The following RAPGEF2 variants were observed in gnomAD, a reference collection of about 807,000 sequenced individuals.
The protein encoded by RAPGEF2 is Rap guanine nucleotide exchange factor 2.
Under a neutral mutation model 186.7 loss-of-function variants are expected in RAPGEF2, and 54 were observed. The observed-to-expected ratio is 0.29, with a 90% CI of 0.23 to 0.36. The LOEUF (loss-of-function observed/expected upper bound fraction) is 0.36, where lower values mean the gene tolerates loss of function less well. Among genes scored for constraint, RAPGEF2 ranks in the 10% least tolerant of loss-of-function variants. RAPGEF2 has a pLI of 1.00. For missense variants in RAPGEF2, 1,532 were observed against 2,045.0 expected, an observed-to-expected ratio of 0.75 and a Z score of 4.84; for synonymous variants, 712 against 705.9, an observed-to-expected ratio of 1.01 and a Z score of -0.14.
At chr4:159,302,223 A>G (rs1471991426) in intron 7 of RAPGEF2, among the ~76,000 whole-genome samples, 1 of 152,208 alleles carries the variant, frequency 6.6e-6, no homozygotes, top group Non-Finnish European at 1.5e-5. Context: ...CTCTCCATAC[A>G]GTGAATTCTT....
intron 8 of RAPGEF2, among the ~76,000 whole-genome samples, chr4:159,308,567 T>C (rs1763579954): frequency 6.6e-6 from 1 of 152,182 alleles, no homozygotes; most frequent in Admixed American, 6.5e-5. Context: ...TATTTGATCT[T>C]CATACAGTTC....
chr4:159,357,412 C>T (rs1732186558), intron 29 of RAPGEF2, among the ~76,000 whole-genome samples: 1 of 152,082 alleles, frequency 6.6e-6, no homozygotes, highest in South Asian at 2.1e-4. Flanking sequence ...AGGAAGGAAC[C>T]CACATTCTTT....
At chr4:159,252,857 T>C (rs4691550) in intron 7 of RAPGEF2, among the ~76,000 whole-genome samples, 40,907 of 152,150 alleles carry the variant, frequency 0.27, 6,400 homozygotes, top group African/African-American at 0.43. Flanking sequence ...TTATTTACCA[T>C]ATTAAAAATT....
chr4:159,158,159 G>C (rs1744327858), intron 1 of RAPGEF2, among the ~76,000 whole-genome samples: 1 of 152,116 alleles, frequency 6.6e-6, no homozygotes, highest in Non-Finnish European at 1.5e-5. Context: ...GGCCTGCATT[G>C]TATTTTTGCC....
Position 159,345,709 on chromosome 4 carries a change from T to C in RAPGEF2, c.3502+380T>C, listed in dbSNP as rs1730197784. 2.0e-5 allele frequency among the ~76,000 whole-genome samples: 3 copies of C among 152,134 alleles called. No homozygotes were observed. In the South Asian group the frequency reaches 6.2e-4, roughly 32 times the overall value. ...ACCTGAGGGGAGTCAGGGCATAAAA[T>C]TGGGTGTGCTGGCTGCCTTTTAACC... On this transcript the variant is annotated intron_variant, in intron 24 of 29. Coordinates refer to ENST00000691494, the MANE Select transcript of RAPGEF2 (RefSeq NM_001394067.2).
rs1329988547 is a variant in RAPGEF2, at chr4:159,284,508, ACACACACACACACACACACACACACACG to A, written c.544-19833_544-19806del. Among the ~76,000 whole-genome samples, 251 of 141,480 alleles carry A rather than the reference ACACACACACACACACACACACACACACG, an allele frequency of 1.8e-3. 1 individual carries two copies. The highest frequency in any genetic ancestry group is 7.0e-3 in the African/African-American group (225 of 32,242). The allele number at this position is 141,480 out of a possible 152,430, so 92.8% of individuals were successfully genotyped here. On this transcript the variant is annotated intron_variant, in intron 7 of 29. Transcript: ENST00000691494. ...CACACACACACACACACACACACAC[ACACACACACACACACACACACACACACG>A]AATTGTAAATGAAACAGTGCCCTGG...
At chr4:159,290,025 A>G (rs1048340342) in intron 7 of RAPGEF2, among the ~76,000 whole-genome samples, 9 of 152,186 alleles carry the variant, frequency 5.9e-5, no homozygotes, top group Non-Finnish European at 1.0e-4. Flanking sequence ...CCACTAAAAC[A>G]TTTTAGGCAG....
At chr4:159,142,166 AAAGT>A (rs1742418540) in intron 1 of RAPGEF2, among the ~76,000 whole-genome samples, 1 of 152,206 alleles carries the variant, frequency 6.6e-6, no homozygotes, top group Non-Finnish European at 1.5e-5. Context: ...TTTGACTTTG[AAAGT>A]AAGAAGTACC....
chr4:159,297,361 T>C (rs943578744), intron 7 of RAPGEF2, among the ~76,000 whole-genome samples: 2 of 152,206 alleles, frequency 1.3e-5, no homozygotes, highest in Admixed American at 1.3e-4. Flanking sequence ...GTTTGTAGCA[T>C]ATGTCTGTGC....
intron 7 of RAPGEF2, among the ~76,000 whole-genome samples, chr4:159,283,086 C>A (rs1238927522): frequency 2.0e-5 from 3 of 152,156 alleles, no homozygotes; most frequent in Non-Finnish European, 4.4e-5. Flanking sequence ...GTTCTCCTCA[C>A]CCTTTTCAAA....
chr4:159,266,713 C>T (rs905229699), intron 7 of RAPGEF2, among the ~76,000 whole-genome samples: 4 of 152,076 alleles, frequency 2.6e-5, no homozygotes, highest in Non-Finnish European at 4.4e-5. Context: ...GTCAAGTATG[C>T]ATTTTATAAA....
chr4:159,341,428 T>A, intron 19 of RAPGEF2, 136 bp from the exon 20 acceptor site: 1 of 876,444 alleles, frequency 1.1e-6, no homozygotes, highest in East Asian at 2.7e-5. Flanking sequence ...GCTGTCTGTC[T>A]TGGTTAAAAA....
Position 159,221,370 on chromosome 4 carries a change from A to C in RAPGEF2, c.281+10787A>C, listed in dbSNP as rs555583686. 3.7e-4 allele frequency among the ~76,000 whole-genome samples: 57 copies of C among 152,310 alleles called. No homozygotes were observed. In the Middle Eastern group the frequency reaches 0.014, roughly 36 times the overall value. ...CCATCATGTCTGCATTGAAAGCTAG[A>C]AGCAGGAGGAAAGGCAATAGAGCAA... On this transcript the variant is annotated intron_variant, in intron 4 of 29. Transcript: ENST00000691494.
At position 159,341,628 on chromosome 4, in the gene RAPGEF2, T is replaced by C. The variant is rs768117866; in HGVS notation, c.2599T>C (p.Leu867=). The C allele has an allele frequency of 2.9e-5, 47 of 1,613,896 alleles. No individual in the cohort carries two copies. Among genetic ancestry groups the C allele is most frequent in the Non-Finnish European group, 3.4e-6 (4 of 1,179,892 alleles). ...TTCAGATGAAGATGCTCAGGAGTTG[T>C]TGAGAGAGAGTCAAATTTCCCTCCT... is the stretch of plus-strand genomic sequence containing the variant. The part of the protein sequence containing the change: ...LCSDEDAQEL[L]RESQISLLQL... The change falls in exon 20 of 30, where the codon TTG becomes CTG. Residue 867 remains leucine, a synonymous_variant. Coordinates refer to ENST00000691494, the MANE Select transcript of RAPGEF2 (RefSeq NM_001394067.2).
chr4:159,146,636 C>T (rs1377583738), intron 1 of RAPGEF2, among the ~76,000 whole-genome samples: 2 of 152,138 alleles, frequency 1.3e-5, no homozygotes, highest in Non-Finnish European at 2.9e-5. Flanking sequence ...ATAATAGTAG[C>T]ATGGAGAGGT....
At chr4:159,113,367 T>C (rs1359904094) in intron 1 of RAPGEF2, among the ~76,000 whole-genome samples, 2 of 152,180 alleles carry the variant, frequency 1.3e-5, no homozygotes, top group African/African-American at 4.8e-5. Context: ...ATTTAAAAAT[T>C]CAAAGTTAAA....
At chr4:159,235,575 A>G (rs1422984569) in intron 4 of RAPGEF2, among the ~76,000 whole-genome samples, 1 of 152,044 alleles carries the variant, frequency 6.6e-6, no homozygotes, top group Non-Finnish European at 1.5e-5. Context: ...ATTTTGCACC[A>G]TTTTTTTCCA....
At chr4:159,251,678 C>T (rs1755418355) in intron 7 of RAPGEF2, among the ~76,000 whole-genome samples, 2 of 151,570 alleles carry the variant, frequency 1.3e-5, no homozygotes, top group African/African-American at 4.9e-5. Context: ...GTTGTAAATG[C>T]ACCAATCAGC....
chr4:159,267,956 T>C, intron 7 of RAPGEF2: 7 of 1,371,862 alleles, frequency 5.1e-6, no homozygotes, highest in Non-Finnish European at 5.6e-6. Context: ...CGAACACTGT[T>C]GTTCGGATTC....
Sources: gnomAD v4.1 joint callset for allele counts (sites outside exome capture counted in the v4.1 genomes callset) on GRCh38, gnomAD v4.1.1 for gene constraint, MANE v1.5 for transcripts, NCBI Gene and HGNC (gene_info 2026-07-23, HGNC 2026-07-21) for gene names.